Variants in NPAS2 observed in about 807,000 individuals in gnomAD.
NPAS2 encodes neuronal PAS domain-containing protein 2.
In NPAS2, 23 loss-of-function variants were observed where a neutral mutation model predicts 107.5. The observed-to-expected ratio is 0.21, with a 90% CI of 0.15 to 0.30. The LOEUF (loss-of-function observed/expected upper bound fraction) is 0.30, where lower values mean the gene tolerates loss of function less well. Among genes scored for constraint, NPAS2 ranks in the 10% least tolerant of loss-of-function variants. The pLI is 1.00. For missense variants in NPAS2, 756 were observed against 1,043.3 expected, an observed-to-expected ratio of 0.72 and a Z score of 3.79; for synonymous variants, 403 against 417.5, an observed-to-expected ratio of 0.97 and a Z score of 0.42.
intron 11 of NPAS2, among the ~76,000 whole-genome samples, chr2:100,969,864 G>A (rs1029793816): frequency 1.3e-5 from 2 of 152,102 alleles, no homozygotes; most frequent in Non-Finnish European, 2.9e-5. Flanking sequence ...AAAAGGTACG[G>A]TAAAAATACA....
intron 1 of NPAS2, among the ~76,000 whole-genome samples, chr2:100,901,294 G>T (rs1480044478): frequency 6.6e-6 from 1 of 151,834 alleles, no homozygotes; most frequent in Non-Finnish European, 1.5e-5. Context: ...TGTTGCTCAG[G>T]TTGTTCTGGG....
At position 100,977,906 on chromosome 2, in the gene NPAS2, G is replaced by C. The variant is rs112452813; in HGVS notation, c.1482+107G>C. On this transcript the variant is annotated intron_variant, in intron 15 of 20. Coordinates refer to ENST00000335681, the MANE Select transcript of NPAS2 (RefSeq NM_002518.4). Reference sequence around the variant, plus strand: ...GGTCCCAACCAAGGCCCTGACGTGGGGGAATGTCCCTCCCAATGTGTGTGT... The same window carrying C: ...GGTCCCAACCAAGGCCCTGACGTGGCGGAATGTCCCTCCCAATGTGTGTGT... 4.4e-3 allele frequency: 4,056 copies of C among 922,890 alleles called. 103 individuals carry two copies. The African/African-American group carries it at 0.054, about 12-fold the overall frequency. 57.2% of individuals were successfully genotyped at this position (922,890 alleles called of 1,614,324 possible).
At chr2:100,957,858 G>A (rs1675668529) in intron 7 of NPAS2, among the ~76,000 whole-genome samples, 1 of 152,212 alleles carries the variant, frequency 6.6e-6, no homozygotes, top group Non-Finnish European at 1.5e-5. Flanking sequence ...AACCCGGGAG[G>A]CGGAGCTTGC....
rs1573554421 is a variant in NPAS2, at chr2:100,890,300, G to A, written c.-22-14433G>A. Among the ~76,000 whole-genome samples, 3 of 152,306 alleles carry A rather than the reference G, an allele frequency of 2.0e-5. No individual in the cohort carries two copies. The South Asian group carries it at 6.2e-4, about 32-fold the overall frequency. The stretch of plus-strand genomic sequence containing the variant: ...GTGCGAGCTCTCAGCTGGCCTCAGG[G>A]CCCAGCCAAGGCCCCTCATCATCTC... On this transcript the variant is annotated intron_variant, in intron 1 of 20. Transcript: ENST00000335681.
At position 100,911,077 on chromosome 2, in the gene NPAS2, G is replaced by A. The variant is rs60196387; in HGVS notation, c.32+6291G>A. On this transcript the variant is annotated intron_variant, in intron 2 of 20. Transcript: ENST00000335681. Reference sequence around the variant, plus strand: ...CAGGAAATGCCCCCAAAATAATTGCGGACTGTATGTTTACTGTTTCTCCCT... The same window carrying A: ...CAGGAAATGCCCCCAAAATAATTGCAGACTGTATGTTTACTGTTTCTCCCT... 7.2e-3 allele frequency among the ~76,000 whole-genome samples: 1,099 copies of A among 152,244 alleles called. 13 individuals carry two copies. The highest frequency in any genetic ancestry group is 0.025 in the African/African-American group (1,055 of 41,534).
At chr2:100,901,535 C>A in intron 1 of NPAS2, 1 of 985,370 alleles carries the variant, frequency 1.0e-6, no homozygotes. Flanking sequence ...CTTCTCTCTT[C>A]CCTGACGCTC....
At chr2:100,858,080 A>G (rs1678695289) in intron 1 of NPAS2, among the ~76,000 whole-genome samples, 1 of 152,370 alleles carries the variant, frequency 6.6e-6, no homozygotes, top group Non-Finnish European at 1.5e-5. Context: ...TGTTTGCATG[A>G]TAGTCCTAGA....
intron 3 of NPAS2, among the ~76,000 whole-genome samples, chr2:100,927,921 A>G (rs553826044): frequency 1.3e-5 from 2 of 152,334 alleles, no homozygotes; most frequent in South Asian, 4.1e-4. Context: ...TTTAATCATG[A>G]CACCAAACAT....
chr2:100,882,662 A>G (rs192509608), intron 1 of NPAS2, among the ~76,000 whole-genome samples: 136 of 152,342 alleles, frequency 8.9e-4, no homozygotes, highest in Non-Finnish European at 1.5e-3. Flanking sequence ...AACACACTTT[A>G]TAAAGACTGA....
At chr2:100,969,944 G>A (rs1006902130) in intron 11 of NPAS2, among the ~76,000 whole-genome samples, 1 of 152,168 alleles carries the variant, frequency 6.6e-6, no homozygotes, top group African/African-American at 2.4e-5. Context: ...ACAGACAGAT[G>A]TAGACAGACA....
intron 5 of NPAS2, among the ~76,000 whole-genome samples, chr2:100,945,543 C>T (rs1674838699): frequency 2.0e-5 from 3 of 152,188 alleles, no homozygotes; most frequent in African/African-American, 4.8e-5. Flanking sequence ...TTCTGCCACC[C>T]CCTTCCTTCA....
intron 1 of NPAS2, among the ~76,000 whole-genome samples, chr2:100,862,230 G>A (rs1342831369): frequency 6.6e-6 from 1 of 152,172 alleles, no homozygotes; most frequent in Non-Finnish European, 1.5e-5. Flanking sequence ...CAAACACAGT[G>A]GTTTTGTTGT....
At position 100,968,240 on chromosome 2, in the gene NPAS2, A is replaced by G. The variant is rs765841017; in HGVS notation, c.908-41A>G. ...CTCTTGGGGAAAAGATCATTTTCAT[A>G]TTAACATTGGTTATATGCGGAATCC... On this transcript the variant is annotated intron_variant, in intron 10 of 20. Coordinates refer to ENST00000335681, the MANE Select transcript of NPAS2 (RefSeq NM_002518.4). The surrounding 1 kb of genome is among the most constrained non-coding windows in gnomAD (Gnocchi z 5.3). 1.9e-6 allele frequency: 3 copies of G among 1,592,718 alleles called. No homozygotes were observed. In the African/African-American group the frequency reaches 4.0e-5, roughly 21 times the overall value.
chr2:100,843,692 C>A (rs933021477), intron 1 of NPAS2, among the ~76,000 whole-genome samples: 40 of 152,038 alleles, frequency 2.6e-4, no homozygotes, highest in Non-Finnish European at 4.9e-4. Flanking sequence ...TTAACATTTT[C>A]TTGATTAAGA....
Position 100,971,057 on chromosome 2 carries a change from C to G in NPAS2, c.1123C>G (p.His375Asp), listed in dbSNP as rs1201624404. 3 of 1,614,164 alleles carry G rather than the reference C, an allele frequency of 1.9e-6. No homozygotes were observed. Among genetic ancestry groups the G allele is most frequent in the Non-Finnish European group, 2.5e-6 (3 of 1,180,018 alleles). Residue 375 changes from histidine (H) to aspartate (D), a missense_variant, in exon 12 of 21, where the codon CAC (histidine) becomes GAC (aspartate). Physicochemically the swap from His to Asp is moderately conservative, Grantham distance 81. Coordinates refer to ENST00000335681, the MANE Select transcript of NPAS2 (RefSeq NM_002518.4). ...GGAAGACCCGCCATCCGAGGCCCTCCACTCCTCAGCACTAAAGGTACGCCC... is the reference window on the plus strand; with the variant it reads ...GGAAGACCCGCCATCCGAGGCCCTCGACTCCTCAGCACTAAAGGTACGCCC... ...ALEDPPSEAL[H>D]SSALKDKGSS...
chr2:100,841,499 T>C (rs1435855501), intron 1 of NPAS2, among the ~76,000 whole-genome samples: 1 of 152,156 alleles, frequency 6.6e-6, no homozygotes, highest in Non-Finnish European at 1.5e-5. Context: ...AATATACCTA[T>C]GAAAAATTTG....
intron 1 of NPAS2, among the ~76,000 whole-genome samples, chr2:100,827,047 G>A (rs1024396243): frequency 5.9e-5 from 9 of 152,176 alleles, no homozygotes; most frequent in Non-Finnish European, 2.9e-5. Flanking sequence ...AAGACGCAAA[G>A]GGAAATATTT....
intron 1 of NPAS2, among the ~76,000 whole-genome samples, chr2:100,863,245 T>C (rs749309923): frequency 3.9e-5 from 6 of 152,210 alleles, no homozygotes; most frequent in Non-Finnish European, 7.3e-5. Flanking sequence ...AGTTGGATGC[T>C]CAGCCACACT....
At chr2:100,982,414 C>A in intron 16 of NPAS2, 37 bp downstream of exon 16, 1 of 1,607,104 alleles carries the variant, frequency 6.2e-7, no homozygotes. Flanking sequence ...GTCCCTGCTG[C>A]TGTGTGGGAA....
Sources: allele counts gnomAD v4.1 joint callset (sites outside exome capture counted in the v4.1 genomes callset), GRCh38; gene constraint gnomAD v4.1.1; non-coding constraint Gnocchi (gnomAD v3.1); transcripts MANE v1.5; gene names NCBI Gene and HGNC (gene_info 2026-07-23, HGNC 2026-07-21).